DPP6: variants seen among roughly 807,000 people sequenced by gnomAD.
DPP6 encodes the protein dipeptidyl peptidase like 6, also known as A-type potassium channel modulatory protein DPP6.
In DPP6, 69 loss-of-function variants were observed where a neutral mutation model predicts 122.6. The observed-to-expected ratio is 0.56, with a 90% CI of 0.46 to 0.69. The LOEUF (loss-of-function observed/expected upper bound fraction) is 0.69, where lower values mean the gene tolerates loss of function less well. Ranked by LOEUF, DPP6 falls within the 30% of genes least tolerant of loss-of-function variation. The pLI, the probability that DPP6 is intolerant of heterozygous loss-of-function variation, is 0.00. For synonymous variants in DPP6, 418 were observed against 433.1 expected, an observed-to-expected ratio of 0.97 and a Z score of 0.43; for missense variants, 928 against 1,116.9, an observed-to-expected ratio of 0.83 and a Z score of 2.41.
chr7:154,397,055 G>T (rs746729463), intron 1 of DPP6, among the ~76,000 whole-genome samples: 5 of 151,446 alleles, frequency 3.3e-5, no homozygotes, highest in Non-Finnish European at 7.4e-5. Flanking sequence ...TAATGAAATA[G>T]ATTATTTTAA....
intron 5 of DPP6, among the ~76,000 whole-genome samples, chr7:154,600,584 A>G (rs555534644): frequency 8.2e-6 from 1 of 121,810 alleles, no homozygotes; most frequent in African/African-American, 2.6e-5. Context: ...GGTAACTCTT[A>G]CACCATTTTA....
chr7:153,972,576 A>G (rs922698464), intron 1 of DPP6, among the ~76,000 whole-genome samples: 7 of 144,568 alleles, frequency 4.8e-5, no homozygotes, highest in South Asian at 2.3e-4. Flanking sequence ...ACAAGCTGCA[A>G]TTCTTCTAAG....
At chr7:154,787,942 T>C (rs2150415155) in intron 10 of DPP6, among the ~76,000 whole-genome samples, 1 of 152,350 alleles carries the variant, frequency 6.6e-6, no homozygotes, top group South Asian at 2.1e-4. Flanking sequence ...TGCAATTTAC[T>C]AAATGCTTAT....
At chr7:154,413,830 A>G (rs906355881) in intron 1 of DPP6, among the ~76,000 whole-genome samples, 2 of 152,218 alleles carry the variant, frequency 1.3e-5, no homozygotes, top group African/African-American at 4.8e-5. Flanking sequence ...CTTTCTACCA[A>G]TAATGAATGA....
chr7:154,475,404 A>G (rs1280968555), intron 3 of DPP6: 2 of 308,510 alleles, frequency 6.5e-6, no homozygotes, highest in African/African-American at 4.4e-5. Flanking sequence ...TTCCTTCTCC[A>G]CAATCTTCAT....
the DPP6 span, among the ~76,000 whole-genome samples, chr7:153,826,598 C>T: frequency 2.0e-5 from 3 of 151,984 alleles, no homozygotes; most frequent in Admixed American, 6.5e-5. Flanking sequence ...TGCTAATATC[C>T]CCCACCTGCT....
At chr7:154,717,056 C>T (rs985634327) in intron 7 of DPP6, among the ~76,000 whole-genome samples, 4 of 152,182 alleles carry the variant, frequency 2.6e-5, no homozygotes, top group African/African-American at 9.7e-5. Context: ...TGGTCTTGAA[C>T]TCCTGACCTC....
intron 3 of DPP6, among the ~76,000 whole-genome samples, chr7:154,532,761 A>T (rs1255487879): frequency 6.6e-6 from 1 of 151,912 alleles, no homozygotes; most frequent in Admixed American, 6.5e-5. Context: ...TTAAATAAAT[A>T]ATTTATTTTT....
At chr7:154,666,488 T>C (rs1197224782) in intron 6 of DPP6, among the ~76,000 whole-genome samples, 4 of 152,304 alleles carry the variant, frequency 2.6e-5, no homozygotes, top group African/African-American at 7.2e-5. Flanking sequence ...CATATACTTA[T>C]CTTTTTTCAT....
intron 1 of DPP6, among the ~76,000 whole-genome samples, chr7:154,382,952 C>T (rs923226129): frequency 6.6e-6 from 1 of 152,208 alleles, no homozygotes; most frequent in Non-Finnish European, 1.5e-5. Flanking sequence ...GTCTTGAACT[C>T]CTGACCTCAG....
intron 1 of DPP6, among the ~76,000 whole-genome samples, chr7:154,358,132 C>G (rs903245038): frequency 5.3e-5 from 8 of 152,056 alleles, no homozygotes; most frequent in African/African-American, 1.9e-4. Flanking sequence ...ATCATCTGTT[C>G]TCCTTTAACC....
chr7:154,378,700 G>C (rs1246929282), intron 1 of DPP6, among the ~76,000 whole-genome samples: 1 of 152,212 alleles, frequency 6.6e-6, no homozygotes, highest in East Asian at 1.9e-4. Flanking sequence ...TTTTCACACT[G>C]TCATAAAGAA....
chr7:154,770,174 C>A (rs1796171479), intron 9 of DPP6, among the ~76,000 whole-genome samples: 1 of 152,096 alleles, frequency 6.6e-6, no homozygotes, highest in African/African-American at 2.4e-5. Flanking sequence ...CAAGACTCAG[C>A]AATTGAGAAA....
chr7:154,747,304 T>C (rs368243635), intron 8 of DPP6, among the ~76,000 whole-genome samples: 2 of 152,224 alleles, frequency 1.3e-5, no homozygotes, highest in East Asian at 1.9e-4. Context: ...CTAAAAAACA[T>C]AGGCTCTTAG....
At chr7:154,666,405 T>A (rs1838170383) in intron 6 of DPP6, among the ~76,000 whole-genome samples, 1 of 152,046 alleles carries the variant, frequency 6.6e-6, no homozygotes, top group Non-Finnish European at 1.5e-5. Context: ...ATTTACAGGG[T>A]ACAATATGAT....
chr7:154,324,912 G>A (rs1808309860), intron 1 of DPP6, among the ~76,000 whole-genome samples: 1 of 127,832 alleles, frequency 7.8e-6, no homozygotes, highest in African/African-American at 2.9e-5. Flanking sequence ...CCTGGATGGA[G>A]TGCAATGGCA....
the DPP6 span, among the ~76,000 whole-genome samples, chr7:153,871,389 T>G: frequency 6.6e-6 from 1 of 152,158 alleles, no homozygotes; most frequent in South Asian, 2.1e-4. Flanking sequence ...ACCTTGCAGT[T>G]TGATCTCAGA....
intron 1 of DPP6, among the ~76,000 whole-genome samples, chr7:154,208,269 C>A (rs1482141552): frequency 6.6e-6 from 1 of 152,134 alleles, no homozygotes; most frequent in Non-Finnish European, 1.5e-5. Flanking sequence ...GAAATGGAGG[C>A]TGCAAAAATT....
At chr7:154,881,341 A>G (rs974106207) in intron 21 of DPP6, among the ~76,000 whole-genome samples, 4 of 152,354 alleles carry the variant, frequency 2.6e-5, no homozygotes, top group Admixed American at 2.0e-4. Flanking sequence ...ACGGAAGCAC[A>G]GGTGTGGGGA....
Sources: allele counts gnomAD v4.1 joint callset (sites outside exome capture counted in the v4.1 genomes callset), GRCh38; gene constraint gnomAD v4.1.1; transcripts MANE v1.5; gene names NCBI Gene and HGNC (gene_info 2026-07-23, HGNC 2026-07-21).